SDC3: variants seen among roughly 807,000 people sequenced by gnomAD.
SDC3 encodes the protein syndecan 3.
Under a neutral mutation model 24.4 loss-of-function variants are expected in SDC3, and 13 were observed. That is an observed-to-expected ratio of 0.53 (90% confidence interval 0.35 to 0.85). The LOEUF (loss-of-function observed/expected upper bound fraction) is 0.85. Ranked by LOEUF, SDC3 falls within the 40% of genes least tolerant of loss-of-function variation. The probability of loss-of-function intolerance (pLI) is 0.01; values close to 1 mark genes in which losing one functional copy is unlikely to be tolerated. For missense variants in SDC3, 571 were observed against 584.5 expected, an observed-to-expected ratio of 0.98 and a Z score of 0.24; for synonymous variants, 295 against 260.9, an observed-to-expected ratio of 1.13 and a Z score of -1.26.
At chr1:30,878,789 C>A (rs755674437) in intron 1 of SDC3, 49 bp from the exon 2 acceptor site, 3 of 1,519,632 alleles carry the variant, frequency 2.0e-6, no homozygotes, top group Non-Finnish European at 9.1e-7. Context: ...AGACTGGCAG[C>A]CTGGGTGAGC....
At chr1:30,877,193 C>T (rs778595336) in intron 2 of SDC3, 28 bp from the exon 3 acceptor site, 25 of 1,613,008 alleles carry the variant, frequency 1.5e-5, no homozygotes, top group Non-Finnish European at 1.8e-5. Flanking sequence ...AGGGAGAGAG[C>T]TAGGGAGCTG....
chr1:30,878,588 T>C lies in SDC3; in HGVS notation c.256+35A>G, dbSNP rs1053564272. The C allele has an allele frequency of 1.4e-5, 22 of 1,545,332 alleles. No homozygotes were observed. In the African/African-American group the frequency reaches 2.4e-4, roughly 17 times the overall value. On this transcript the variant is annotated intron_variant, in intron 2 of 4. Transcript: ENST00000339394. ...TTGAGGCTGGATACAGACTGGTCAC[T>C]GCCCCCAGGCAGAGGTAGGGAGGGG...
chr1:30,894,852 G>A (rs1319488057), intron 1 of SDC3, among the ~76,000 whole-genome samples: 3 of 151,960 alleles, frequency 2.0e-5, no homozygotes, highest in Non-Finnish European at 4.4e-5. Flanking sequence ...GGGCTGTCTC[G>A]AGTGGCTTAG....
intron 1 of SDC3, among the ~76,000 whole-genome samples, chr1:30,893,305 C>CCCCT (rs1639934426): frequency 1.2e-5 from 1 of 84,724 alleles, no homozygotes; most frequent in Non-Finnish European, 2.3e-5. Flanking sequence ...CACCAGGAGC[C>CCCCT]CCCCCCCCCC....
chr1:30,886,028 C>A (rs1038120099), intron 1 of SDC3, among the ~76,000 whole-genome samples: 1 of 152,142 alleles, frequency 6.6e-6, no homozygotes, highest in Non-Finnish European at 1.5e-5. Context: ...TGATGCCTGT[C>A]CCCAAGCTCG....
chr1:30,882,890 A>G (rs1386327742), intron 1 of SDC3, among the ~76,000 whole-genome samples: 2 of 152,186 alleles, frequency 1.3e-5, no homozygotes, highest in Non-Finnish European at 2.9e-5. Context: ...CAGTTTTCTC[A>G]TCTGTAAAAT....
Position 30,888,049 on chromosome 1 carries a change from C to T in SDC3, c.139-9309G>A, listed in dbSNP as rs568576120. Among the ~76,000 whole-genome samples, 5 of 152,192 alleles carry T rather than the reference C, an allele frequency of 3.3e-5. No homozygotes were observed. The East Asian group carries it at 9.9e-4, about 30-fold the overall frequency. On this transcript the variant is annotated intron_variant, in intron 1 of 4. Coordinates refer to ENST00000339394, the MANE Select transcript of SDC3 (RefSeq NM_014654.4). The stretch of plus-strand genomic sequence containing the variant: ...ATATGCAAATATGCAGATCAGTGGG[C>T]TCCCAGTGGAGCATACATTCTGGCC...
chr1:30,899,016 T>C lies in SDC3; in HGVS notation c.138+9433A>G, dbSNP rs1557525528. 3.3e-5 allele frequency among the ~76,000 whole-genome samples: 5 copies of C among 152,224 alleles called. No individual in the cohort carries two copies. In the South Asian group the frequency reaches 1.0e-3, roughly 32 times the overall value. On this transcript the variant is annotated intron_variant, in intron 1 of 4. Coordinates refer to ENST00000339394, the MANE Select transcript of SDC3 (RefSeq NM_014654.4). The stretch of plus-strand genomic sequence containing the variant: ...CACCACCTAACGGGTCAGGGATCAC[T>C]GGATCTGTCTGACAGAAGAGGAGAC...
rs1380723880 is a variant in SDC3, at chr1:30,876,992, C to A, written c.430G>T (p.Val144Leu). ...PTLEPATSPL[V>L]VTEVPEEPSQ... is the part of the protein sequence containing the mutation. ...GGCTCTTCCGGGACTTCTGTCACCA[C>A]CAGGGGGCTGGTGGCTGGCTCCAGG... The change falls in exon 3 of 5, where the codon GTG becomes TTG. Residue 144 changes from valine to leucine, a missense_variant. This residue lies in a region of SDC3 where 497 missense variants were observed against 471.6 expected (regional missense o/e 1.05). Transcript: ENST00000339394. 1 of 1,613,580 alleles carries A rather than the reference C, an allele frequency of 6.2e-7. No homozygotes were observed. The highest frequency in any genetic ancestry group is 8.5e-7 in the Non-Finnish European group (1 of 1,179,816).
chr1:30,879,572 T>A (rs2807013), intron 1 of SDC3, among the ~76,000 whole-genome samples: 1 of 151,882 alleles, frequency 6.6e-6, no homozygotes, highest in Non-Finnish European at 1.5e-5. Flanking sequence ...CCAGCCAACC[T>A]GGAGTCCCTG....
chr1:30,883,358 C>T (rs1639773979), intron 1 of SDC3, among the ~76,000 whole-genome samples: 1 of 152,230 alleles, frequency 6.6e-6, no homozygotes, highest in Admixed American at 6.5e-5. Flanking sequence ...TCTGCCCGAG[C>T]TTCCTTCCCC....
At chr1:30,875,838 C>G (rs1187118585) in intron 3 of SDC3, among the ~76,000 whole-genome samples, 1 of 152,184 alleles carries the variant, frequency 6.6e-6, no homozygotes, top group Non-Finnish European at 1.5e-5. Flanking sequence ...CCCTGTGCAC[C>G]CACAGTTGCT....
At chr1:30,881,869 C>T (rs1323612023) in intron 1 of SDC3, among the ~76,000 whole-genome samples, 7 of 152,182 alleles carry the variant, frequency 4.6e-5, no homozygotes, top group Non-Finnish European at 7.3e-5. Context: ...CCTGAGCCAC[C>T]CCCAGACCCA....
At chr1:30,884,615 C>T (rs1639802093) in intron 1 of SDC3, among the ~76,000 whole-genome samples, 1 of 152,186 alleles carries the variant, frequency 6.6e-6, no homozygotes, top group African/African-American at 2.4e-5. Context: ...CCAGCCCCAA[C>T]AGGAGAGCAG....
Position 30,874,523 on chromosome 1 carries a change from C to A in SDC3, c.936G>T (p.Gly312=). The change falls in exon 4 of 5, where the codon GGG becomes GGT. Residue 312 remains glycine, a synonymous_variant. Transcript: ENST00000339394. ...CTGGCAGCTCGAAGTCTCCACTGGG[C>A]CCCCCACTCACCGGAACCTCTGGCT... The part of the protein sequence containing the change: ...RDEPEVPVSG[G]PSGDFELPEE... 1 of 1,614,060 alleles carries A rather than the reference C, an allele frequency of 6.2e-7. No individual in the cohort carries two copies. The highest frequency in any genetic ancestry group is 8.5e-7 in the Non-Finnish European group (1 of 1,179,970).
chr1:30,885,199 G>T (rs1414525400), intron 1 of SDC3, among the ~76,000 whole-genome samples: 1 of 152,208 alleles, frequency 6.6e-6, no homozygotes, highest in African/African-American at 2.4e-5. Flanking sequence ...TACAGAAGGA[G>T]GCTGGGCATG....
chr1:30,877,305 A>C (rs1467559734), intron 2 of SDC3, 140 bp from the exon 3 acceptor site: 10 of 1,161,554 alleles, frequency 8.6e-6, no homozygotes, highest in Non-Finnish European at 1.2e-5. Flanking sequence ...AAGATGAGAG[A>C]AAGGAGGAAG....
chr1:30,873,217 A>G lies in SDC3; in HGVS notation c.1323T>C (p.Tyr441=), dbSNP rs764124307. Residue 441 remains tyrosine, a synonymous_variant, in exon 5 of 5, where the codon TAT becomes TAC. Coordinates refer to ENST00000339394, the MANE Select transcript of SDC3 (RefSeq NM_014654.4). ...YQKPDKQEEF[Y]A ...GGGAGGCACTGTGGCTCCACTAGGC[A>G]TAGAACTCCTCCTGCTTGTCAGGCT... 3.1e-6 allele frequency: 5 copies of G among 1,613,146 alleles called. No homozygotes were observed. The highest frequency in any genetic ancestry group is 1.1e-5 in the South Asian group (1 of 91,064).
rs766012183 is a variant in SDC3, at chr1:30,874,403, C to T, written c.1056G>A (p.Lys352=). The T allele has an allele frequency of 1.2e-6, 2 of 1,614,170 alleles. No homozygotes were observed. The highest frequency in any genetic ancestry group is 2.2e-5 in the South Asian group (2 of 91,084). ...GGAGGCCAGGGCCCGGGCGGGCACC[C>T]TTGGGCAGTGTCCCAGGTGGAGATG... ...KASSPPGTLP[K]GARPGPGLLD... is the part of the protein sequence containing the mutation. The change falls in exon 4 of 5, where the codon AAG becomes AAA. Residue 352 remains lysine, a synonymous_variant. Transcript: ENST00000339394.
Sources: allele counts gnomAD v4.1 joint callset (sites outside exome capture counted in the v4.1 genomes callset), GRCh38; gene constraint gnomAD v4.1.1; regional missense constraint gnomAD v4.1.1; transcripts MANE v1.5; gene names NCBI Gene and HGNC (gene_info 2026-07-23, HGNC 2026-07-21).